Variants in OLFM2 observed in about 807,000 individuals in gnomAD.
OLFM2 encodes the protein noelin-2.
OLFM2 carries 20 observed loss-of-function variants against 43.9 expected under a neutral mutation model. That is an observed-to-expected ratio of 0.46 (90% confidence interval 0.32 to 0.66). OLFM2 has a LOEUF of 0.66. Ranked by LOEUF, OLFM2 falls within the 30% of genes least tolerant of loss-of-function variation. OLFM2 has a pLI of 0.04. For synonymous variants in OLFM2, 268 were observed against 278.6 expected, an observed-to-expected ratio of 0.96 and a Z score of 0.38; for missense variants, 416 against 643.6, an observed-to-expected ratio of 0.65 and a Z score of 3.83.
At chr19:9,922,950 AAAAG>A (rs1349065747) in intron 1 of OLFM2, among the ~76,000 whole-genome samples, 1 of 152,016 alleles carries the variant, frequency 6.6e-6, no homozygotes, top group Non-Finnish European at 1.5e-5. Flanking sequence ...AAAGAAAAGA[AAAAG>A]AAAGACAACA....
chr19:9,905,229 G>A (rs193289147), intron 1 of OLFM2, among the ~76,000 whole-genome samples: 152 of 152,190 alleles, frequency 1.0e-3, no homozygotes, highest in Middle Eastern at 6.8e-3. Flanking sequence ...AGGCCGAGGC[G>A]GGCAGATCAT....
intron 1 of OLFM2, among the ~76,000 whole-genome samples, chr19:9,899,655 G>C (rs1441270257): frequency 1.3e-5 from 2 of 152,028 alleles, no homozygotes; most frequent in African/African-American, 4.8e-5. Context: ...GGGCCCCAGT[G>C]ATCCTCCCAT....
chr19:9,881,149 G>C (rs1203606994), intron 1 of OLFM2, among the ~76,000 whole-genome samples: 4 of 152,042 alleles, frequency 2.6e-5, no homozygotes, highest in Non-Finnish European at 4.4e-5. Context: ...TGCCTGCCTC[G>C]GCCTCCCAAA....
chr19:9,889,229 G>T (rs986263776), intron 1 of OLFM2, among the ~76,000 whole-genome samples: 3 of 151,982 alleles, frequency 2.0e-5, no homozygotes, highest in African/African-American at 7.2e-5. Flanking sequence ...GTGTGTATGT[G>T]TGCAACTGTG....
chr19:9,935,975 C>G (rs549381311), intron 1 of OLFM2, among the ~76,000 whole-genome samples: 4 of 152,286 alleles, frequency 2.6e-5, no homozygotes, highest in East Asian at 3.9e-4. Flanking sequence ...AACCGCCCCC[C>G]TCCAATGCCC....
At chr19:9,911,369 G>C (rs1346176634) in intron 1 of OLFM2, among the ~76,000 whole-genome samples, 2 of 152,160 alleles carry the variant, frequency 1.3e-5, no homozygotes, top group African/African-American at 4.8e-5. Context: ...GAGGGATGGG[G>C]TGGTGTCAGG....
chr19:9,904,835 CAT>C (rs1480351642), intron 1 of OLFM2, among the ~76,000 whole-genome samples: 2 of 151,826 alleles, frequency 1.3e-5, no homozygotes, highest in Non-Finnish European at 2.9e-5. Flanking sequence ...GCCTGGGCCA[CAT>C]AGTGAGCTCC....
Position 9,923,197 on chromosome 19 carries a change from C to T in OLFM2, c.63+13107G>A, listed in dbSNP as rs959035296. Among the ~76,000 whole-genome samples, 4 of 152,062 alleles carry T rather than the reference C, an allele frequency of 2.6e-5. No individual in the cohort carries two copies. The East Asian group carries it at 7.7e-4, about 29-fold the overall frequency. On this transcript the variant is annotated intron_variant, in intron 1 of 5. Coordinates refer to ENST00000264833, the MANE Select transcript of OLFM2 (RefSeq NM_058164.4). ...TTGTTTATACTCTAAGATCAATACT[C>T]GCTGGGGCATTTGTGGTCATTTGTG...
intron 2 of OLFM2, among the ~76,000 whole-genome samples, chr19:9,858,813 G>A (rs1042988852): frequency 6.6e-6 from 1 of 151,990 alleles, no homozygotes; most frequent in Non-Finnish European, 1.5e-5. Context: ...TCCATCTCTG[G>A]CTTAAGTAGA....
intron 1 of OLFM2, among the ~76,000 whole-genome samples, chr19:9,899,994 C>T (rs2046717273): frequency 6.6e-6 from 1 of 152,078 alleles, no homozygotes. Context: ...TCACGTGTCC[C>T]CCTGGCACAT....
At position 9,908,086 on chromosome 19, in the gene OLFM2, C is replaced by T. The variant is rs562611834; in HGVS notation, c.63+28218G>A. ...CCCCTCCCCACGACATGATATGGCTCCCATCACCTTCCTTCCCTCACCTCC... is the reference window on the plus strand; with the variant it reads ...CCCCTCCCCACGACATGATATGGCTTCCATCACCTTCCTTCCCTCACCTCC... On this transcript the variant is annotated intron_variant, in intron 1 of 5. Coordinates refer to ENST00000264833, the MANE Select transcript of OLFM2 (RefSeq NM_058164.4). Among the ~76,000 whole-genome samples the T allele has an allele frequency of 5.9e-5, 9 of 152,058 alleles. No homozygotes were observed. In the East Asian group the frequency reaches 1.5e-3, roughly 26 times the overall value.
chr19:9,854,776 G>A lies in OLFM2; in HGVS notation c.775C>T (p.Gln259Ter). ...GCCCACGGCTGGGGCAGCAGGTGCT[G>A]GATAAAGTTCTGGCCTTTGATGAAG... Reference protein sequence around the residue: ...GDFIKGQNFIQHLLPQPWAGT... With the variant: ...GDFIKGQNFI Residue 259 changes from glutamine (Q) to a stop codon, truncating the protein, a stop_gained, in exon 6 of 6, where the codon CAG becomes TAG. Coordinates refer to ENST00000264833, the MANE Select transcript of OLFM2 (RefSeq NM_058164.4). LOFTEE classifies it high-confidence loss of function. This position sits in a 1 kb window ranked among gnomAD's most constrained non-coding sequence, Gnocchi z 9.5. 6.2e-7 allele frequency: 1 copy of A among 1,612,796 alleles called. No individual in the cohort carries two copies.
intron 1 of OLFM2, among the ~76,000 whole-genome samples, chr19:9,890,458 G>A (rs753425752): frequency 6.6e-6 from 1 of 152,220 alleles, no homozygotes; most frequent in Non-Finnish European, 1.5e-5. Context: ...GGAATAAAGT[G>A]CGTGCATGTG....
At chr19:9,881,771 G>C (rs1410247211) in intron 1 of OLFM2, among the ~76,000 whole-genome samples, 1 of 151,800 alleles carries the variant, frequency 6.6e-6, no homozygotes, top group Non-Finnish European at 1.5e-5. Flanking sequence ...GTGCTGGGAC[G>C]ACAGGTGTGA....
At chr19:9,912,549 G>A (rs1200137407) in intron 1 of OLFM2, among the ~76,000 whole-genome samples, 2 of 151,956 alleles carry the variant, frequency 1.3e-5, no homozygotes, top group Non-Finnish European at 2.9e-5. Flanking sequence ...GGGGGGAAAG[G>A]CATATCTGGA....
chr19:9,892,185 C>T (rs35587717), intron 1 of OLFM2, among the ~76,000 whole-genome samples: 5,205 of 152,098 alleles, frequency 0.034, 130 homozygotes, highest in Non-Finnish European at 0.053. Context: ...ATCTGAGGCA[C>T]GTGCATGGGT....
chr19:9,854,520 T>C lies in OLFM2; in HGVS notation c.1031A>G (p.Asn344Ser), dbSNP rs765883723. Residue 344 changes from asparagine (N) to serine (S), a missense_variant, in exon 6 of 6, where the codon AAC becomes AGC. Physicochemically the swap from Asn to Ser is conservative, Grantham distance 46. Transcript: ENST00000264833. The surrounding 1 kb of genome is among the most constrained non-coding windows in gnomAD (Gnocchi z 9.5). ...CGGGTCCAGCCGGCTGACCACGATG[T>C]TGCCCGCGTTCTGGTTGGTGGTGTA... is the stretch of plus-strand genomic sequence containing the variant. ...AVYTTNQNAG[N>S]IVVSRLDPHT... The C allele has an allele frequency of 1.5e-5, 24 of 1,613,766 alleles. No individual in the cohort carries two copies. Among genetic ancestry groups the C allele is most frequent in the South Asian group, 4.4e-5 (4 of 91,092 alleles).
chr19:9,919,631 G>A lies in OLFM2; in HGVS notation c.63+16673C>T, dbSNP rs563112183. Among the ~76,000 whole-genome samples, 178 of 151,700 alleles carry A rather than the reference G, an allele frequency of 1.2e-3. 1 individual carries two copies. Among genetic ancestry groups the A allele is most frequent in the African/African-American group, 1.5e-3 (64 of 41,346 alleles). ...TGAGTAGCTGGGATTACAGGTGCACGCCACCACACCTGGCTAGTTTTTGTA... is the reference window on the plus strand; with the variant it reads ...TGAGTAGCTGGGATTACAGGTGCACACCACCACACCTGGCTAGTTTTTGTA... On this transcript the variant is annotated intron_variant, in intron 1 of 5. Transcript: ENST00000264833.
At chr19:9,872,502 G>A (rs551117160) in intron 1 of OLFM2, among the ~76,000 whole-genome samples, 279 of 140,850 alleles carry the variant, frequency 2.0e-3, no homozygotes, top group African/African-American at 7.2e-3. Context: ...GTGACAGAGC[G>A]AGACCCTGTC....
Sources: gnomAD v4.1 joint callset for allele counts (sites outside exome capture counted in the v4.1 genomes callset) on GRCh38, gnomAD v4.1.1 for gene constraint, Gnocchi (gnomAD v3.1) non-coding constraint, MANE v1.5 for transcripts, NCBI Gene and HGNC (gene_info 2026-07-23, HGNC 2026-07-21) for gene names.